Variants in BMPR1B observed in about 807,000 individuals in gnomAD.
BMPR1B encodes the protein bone morphogenetic protein receptor type-1B.
A neutral mutation model predicts 59.1 loss-of-function variants in BMPR1B; 12 were observed. The observed-to-expected ratio is 0.20, with a 90% CI of 0.13 to 0.33. BMPR1B has a LOEUF of 0.33. BMPR1B is among the 10% of genes least tolerant of loss of function. The pLI, the probability that BMPR1B is intolerant of heterozygous loss-of-function variation, is 1.00. For missense variants in BMPR1B, 550 were observed against 610.9 expected (o/e 0.90, Z 1.05); for synonymous variants, 237 against 207.3 (o/e 1.14, Z -1.23).
At chr4:94,950,830 G>A (rs528422131) in intron 2 of BMPR1B, among the ~76,000 whole-genome samples, 60 of 152,162 alleles carry the variant, frequency 3.9e-4, no homozygotes, top group Non-Finnish European at 7.1e-4. Context: ...TCTGAAGAAA[G>A]TCAATAGTAG....
intron 6 of BMPR1B, among the ~76,000 whole-genome samples, chr4:95,118,121 A>T (rs1732205499): frequency 6.6e-6 from 1 of 152,124 alleles, no homozygotes; most frequent in Admixed American, 6.5e-5. Flanking sequence ...TACTTAGGCA[A>T]GGTCTTTCCA....
intron 2 of BMPR1B, among the ~76,000 whole-genome samples, chr4:94,974,608 AG>A (rs1391479521): frequency 6.6e-6 from 1 of 152,148 alleles, no homozygotes; most frequent in Non-Finnish European, 1.5e-5. Context: ...GACTGAGTAA[AG>A]CTGTAATACC....
Position 94,929,144 on chromosome 4 carries a change from G to A in BMPR1B, c.-113+53244G>A, listed in dbSNP as rs1276060322. On this transcript the variant is annotated intron_variant, in intron 2 of 12. Transcript: ENST00000515059. ...AGAGATTCCTAAATGCTTTAATCCA[G>A]TAAGTGTCCCACAGCACTTCTCTTA... 2.0e-5 allele frequency among the ~76,000 whole-genome samples: 3 copies of A among 152,078 alleles called. No individual in the cohort carries two copies. The East Asian group carries it at 5.8e-4, about 29-fold the overall frequency.
chr4:94,887,868 A>G (rs141152647), intron 2 of BMPR1B, among the ~76,000 whole-genome samples: 2,041 of 152,162 alleles, frequency 0.013, 38 homozygotes, highest in African/African-American at 0.042. Context: ...TCAGAAATAG[A>G]AAAAAATCGG....
chr4:94,794,465 T>C (rs1209470679), intron 1 of BMPR1B, among the ~76,000 whole-genome samples: 2 of 142,842 alleles, frequency 1.4e-5, no homozygotes, highest in Non-Finnish European at 3.0e-5. Context: ...TGCCTCCAGC[T>C]TTGTTCTTTT....
chr4:95,025,556 TATG>T (rs1035477677), intron 3 of BMPR1B, among the ~76,000 whole-genome samples: 3 of 152,200 alleles, frequency 2.0e-5, no homozygotes, highest in African/African-American at 4.8e-5. Flanking sequence ...TAGTGTAAAG[TATG>T]ATGATTGACT....
At chr4:95,133,124 A>G (rs986222524) in intron 10 of BMPR1B, among the ~76,000 whole-genome samples, 29 of 152,130 alleles carry the variant, frequency 1.9e-4, no homozygotes, top group African/African-American at 5.3e-4. Flanking sequence ...GCTCAAGTGA[A>G]TGAATTTTCT....
chr4:94,897,826 A>G (rs569296543), intron 2 of BMPR1B, among the ~76,000 whole-genome samples: 6 of 152,080 alleles, frequency 3.9e-5, no homozygotes, highest in Admixed American at 3.3e-4. Flanking sequence ...CTTAATTTAT[A>G]AGATTTGATC....
chr4:94,940,651 T>C (rs1187193930), intron 2 of BMPR1B, among the ~76,000 whole-genome samples: 2 of 152,252 alleles, frequency 1.3e-5, no homozygotes, highest in African/African-American at 4.8e-5. Context: ...CAACTCAGTG[T>C]TTCTTTGCCG....
chr4:94,825,827 T>A (rs982900070), intron 1 of BMPR1B, among the ~76,000 whole-genome samples: 6 of 152,142 alleles, frequency 3.9e-5, no homozygotes, highest in African/African-American at 1.2e-4. Context: ...TTTATTAATA[T>A]AAGAAAATAA....
At chr4:94,759,864 C>T (rs1177313062) in intron 1 of BMPR1B, among the ~76,000 whole-genome samples, 1 of 152,160 alleles carries the variant, frequency 6.6e-6, no homozygotes, top group Non-Finnish European at 1.5e-5. Context: ...GTAGTGATGT[C>T]TTTTTATGGG....
At chr4:94,856,433 A>G (rs1021801065) in intron 1 of BMPR1B, among the ~76,000 whole-genome samples, 1 of 152,186 alleles carries the variant, frequency 6.6e-6, no homozygotes, top group Non-Finnish European at 1.5e-5. Context: ...GGAGCAGCTG[A>G]CTACTGCATC....
chr4:94,999,216 A>G (rs1245831443), intron 3 of BMPR1B, among the ~76,000 whole-genome samples: 1 of 152,086 alleles, frequency 6.6e-6, no homozygotes, highest in Non-Finnish European at 1.5e-5. Context: ...CCCAAGACCT[A>G]GCATATAACA....
chr4:94,983,104 T>C (rs1452816479), intron 2 of BMPR1B, among the ~76,000 whole-genome samples: 1 of 152,186 alleles, frequency 6.6e-6, no homozygotes, highest in Non-Finnish European at 1.5e-5. Context: ...CCTACAGGTC[T>C]TTACGTGGCT....
chr4:94,892,393 A>G (rs1727434611), intron 2 of BMPR1B, among the ~76,000 whole-genome samples: 1 of 152,112 alleles, frequency 6.6e-6, no homozygotes, highest in Admixed American at 6.6e-5. Flanking sequence ...CTTTAATACA[A>G]GATTTAACTT....
intron 3 of BMPR1B, among the ~76,000 whole-genome samples, chr4:95,003,120 TTTA>T (rs1211469037): frequency 6.6e-6 from 1 of 152,164 alleles, no homozygotes; most frequent in Non-Finnish European, 1.5e-5. Flanking sequence ...TTGAAATATT[TTTA>T]TTAAAGCTAA....
chr4:94,962,439 GTATGTTTGTACCCAT>G (rs1730407047), intron 2 of BMPR1B, among the ~76,000 whole-genome samples: 1 of 152,004 alleles, frequency 6.6e-6, no homozygotes, highest in African/African-American at 2.4e-5. Context: ...CTTTCTAGCA[GTATGTTTGTACCCAT>G]TAATCAACAT....
intron 4 of BMPR1B, among the ~76,000 whole-genome samples, chr4:95,111,805 G>T (rs970562164): frequency 2.0e-5 from 3 of 152,070 alleles, no homozygotes; most frequent in African/African-American, 7.2e-5. Context: ...AAGGAGCCTA[G>T]AACCTGTATA....
At chr4:94,966,768 A>G (rs980665376) in intron 2 of BMPR1B, among the ~76,000 whole-genome samples, 6 of 152,154 alleles carry the variant, frequency 3.9e-5, no homozygotes, top group African/African-American at 1.2e-4. Flanking sequence ...ACTGGCTTTA[A>G]TTTAAACTAC....
Sources: gnomAD v4.1 joint callset for allele counts (sites outside exome capture counted in the v4.1 genomes callset) on GRCh38, gnomAD v4.1.1 for gene constraint, MANE v1.5 for transcripts, NCBI Gene and HGNC (gene_info 2026-07-23, HGNC 2026-07-21) for gene names.